Variants in ADGRG6 observed in about 807,000 individuals in gnomAD.
ADGRG6 encodes adhesion G protein-coupled receptor G6.
A neutral mutation model predicts 142.4 loss-of-function variants in ADGRG6; 84 were observed. The observed-to-expected ratio is 0.59, with a 90% CI of 0.49 to 0.71. The LOEUF is 0.71. ADGRG6 is among the 30% of genes least tolerant of loss of function. The pLI is 0.00. For missense variants in ADGRG6, 1,367 were observed against 1,466.6 expected (o/e 0.93, Z 1.11); for synonymous variants, 521 against 520.5 (o/e 1.00, Z -0.01).
At chr6:142,311,137 C>T (rs994203202) in intron 2 of ADGRG6, among the ~76,000 whole-genome samples, 6 of 151,972 alleles carry the variant, frequency 3.9e-5, no homozygotes, top group African/African-American at 1.4e-4. Context: ...TGTCTGGGAC[C>T]AGGCTGAGGG....
chr6:142,317,891 T>TTATATTTTTATATATTA, intron 2 of ADGRG6, among the ~76,000 whole-genome samples: 1 of 75,942 alleles, frequency 1.3e-5, no homozygotes, highest in African/African-American at 5.8e-5. Context: ...TATATTTATA[T>TTATATTTTTATATATTA]TATATATTTA....
intron 4 of ADGRG6, among the ~76,000 whole-genome samples, chr6:142,371,170 AT>A (rs200039040): frequency 0.057 from 8,560 of 149,752 alleles, 576 homozygotes; most frequent in African/African-American, 0.16. Flanking sequence ...AGTTATTGGT[AT>A]TTTTTTTTTG....
intron 2 of ADGRG6, among the ~76,000 whole-genome samples, chr6:142,337,469 G>A (rs1180706589): frequency 1.3e-5 from 2 of 152,124 alleles, no homozygotes; most frequent in African/African-American, 4.8e-5. Flanking sequence ...GCAATGGCAC[G>A]CATGTTTGGG....
chr6:142,381,891 T>C, intron 4 of ADGRG6, 60 bp from the exon 5 acceptor site: 1 of 1,039,344 alleles, frequency 9.6e-7, no homozygotes, highest in Non-Finnish European at 1.5e-6. Flanking sequence ...CGTATGATTT[T>C]TCTGGATAAT....
chr6:142,403,007 G>GT (rs1314290573), intron 13 of ADGRG6, among the ~76,000 whole-genome samples, 177 bp downstream of exon 13: 1,797 of 144,292 alleles, frequency 0.012, 36 homozygotes, highest in African/African-American at 0.039. Context: ...AGTTCTGTGT[G>GT]TTTTTTTTTT....
At position 142,379,473 on chromosome 6, in the gene ADGRG6, G is replaced by GA. The variant is rs374580611; in HGVS notation, c.1070-2475dup. Among the ~76,000 whole-genome samples the GA allele has an allele frequency of 4.1e-3, 623 of 152,212 alleles. 3 individuals carry two copies. The highest frequency in any genetic ancestry group is 0.014 in the African/African-American group (591 of 41,538). On this transcript the variant is annotated intron_variant, in intron 4 of 24. Transcript: ENST00000367609. The stretch of plus-strand genomic sequence containing the variant: ...CCTCATTTTCCCTCACTGCCTTTAA[G>GA]AAAGAGTTCACAGGCCGGGCACGGT...
intron 4 of ADGRG6, among the ~76,000 whole-genome samples, chr6:142,377,748 T>C (rs1781571532): frequency 6.6e-6 from 1 of 152,240 alleles, no homozygotes. Context: ...GATTGTGATA[T>C]TGACTTTTTA....
At position 142,370,202 on chromosome 6, in the gene ADGRG6, T is replaced by G; in HGVS notation, c.478T>G (p.Leu160Val). ...AVSLRNQKVI[L>V]PQTSDAYQVS... ...GTCCTTAAGGAATCAAAAGGTCATT[T>G]TACCCCAGACATCAGATGCTTACCA... Residue 160 changes from leucine (L) to valine (V), a missense_variant, in exon 4 of 25, where the codon TTA becomes GTA. By Grantham distance (32) the Leu-to-Val change is conservative (BLOSUM62 1). Coordinates refer to ENST00000367609, the MANE Select transcript of ADGRG6 (RefSeq NM_198569.3). 6.2e-7 allele frequency: 1 copy of G among 1,605,812 alleles called. No homozygotes were observed. The highest frequency in any genetic ancestry group is 8.5e-7 in the Non-Finnish European group (1 of 1,173,090).
chr6:142,382,018 A>C lies in ADGRG6; in HGVS notation c.1137A>C (p.Gln379His). The C allele has an allele frequency of 1.3e-6, 2 of 1,588,854 alleles. No individual in the cohort carries two copies. The highest frequency in any genetic ancestry group is 1.7e-6 in the Non-Finnish European group (2 of 1,161,324). ...ASCADLGTLC[Q>H]ATVNSPSTTP... ...GTGCAGACCTGGGGACCCTCTGTCA[A>C]GGTAGGGAGCCCACACCGTGCTCTG... Residue 379 changes from glutamine (Q) to histidine (H), a missense_variant and splice_region_variant, in exon 5 of 25, where the codon CAA becomes CAC. Gln to His is a conservative substitution (Grantham distance 24, BLOSUM62 0). Transcript: ENST00000367609.
intron 2 of ADGRG6, among the ~76,000 whole-genome samples, chr6:142,322,113 T>C (rs962047470): frequency 3.9e-5 from 6 of 152,244 alleles, no homozygotes; most frequent in Admixed American, 3.3e-4. Context: ...TTAAGAATTT[T>C]GGGGGCCTGG....
At chr6:142,393,388 C>T (rs1046537180) in intron 8 of ADGRG6, among the ~76,000 whole-genome samples, 8 of 151,982 alleles carry the variant, frequency 5.3e-5, no homozygotes, top group African/African-American at 1.2e-4. Context: ...TTTCGTACAT[C>T]GACAGTCTGT....
At chr6:142,349,166 T>A (rs1780042089) in intron 2 of ADGRG6, among the ~76,000 whole-genome samples, 1 of 152,228 alleles carries the variant, frequency 6.6e-6, no homozygotes, top group Non-Finnish European at 1.5e-5. Context: ...GCTTCCTCAG[T>A]GCCTCTTGTT....
chr6:142,315,378 A>AC (rs1026664320), intron 2 of ADGRG6, among the ~76,000 whole-genome samples: 5 of 151,884 alleles, frequency 3.3e-5, no homozygotes, highest in Non-Finnish European at 7.4e-5. Flanking sequence ...GAAAAAAAAA[A>AC]CAGAATGGAG....
At position 142,416,273 on chromosome 6, in the gene ADGRG6, C is replaced by T. The variant is rs537896474; in HGVS notation, c.2938+209C>T. Among the ~76,000 whole-genome samples the T allele has an allele frequency of 4.6e-5, 7 of 152,212 alleles. No individual in the cohort carries two copies. In the South Asian group the frequency reaches 6.2e-4, roughly 14 times the overall value. On this transcript the variant is annotated intron_variant, in intron 20 of 24. Transcript: ENST00000367609. Reference sequence around the variant, plus strand: ...TCATCAACAGCACTCACTATATACACGAGTAAAGGAAAAGCCCTCACTCCC... The same window carrying T: ...TCATCAACAGCACTCACTATATACATGAGTAAAGGAAAAGCCCTCACTCCC...
At chr6:142,366,696 A>G (rs2114847617) in intron 2 of ADGRG6, among the ~76,000 whole-genome samples, 2 of 151,334 alleles carry the variant, frequency 1.3e-5, no homozygotes, top group South Asian at 4.2e-4. Flanking sequence ...CAGAGGTTGC[A>G]GTGAGCCAGA....
intron 2 of ADGRG6, among the ~76,000 whole-genome samples, chr6:142,327,801 A>G (rs966898541): frequency 1.3e-5 from 2 of 152,150 alleles, no homozygotes; most frequent in African/African-American, 4.8e-5. Flanking sequence ...CAGTAATCAT[A>G]AACTAGTGTT....
At position 142,364,415 on chromosome 6, in the gene ADGRG6, T is replaced by A. The variant is rs942264429; in HGVS notation, c.104-3154T>A. Among the ~76,000 whole-genome samples, 4 of 152,318 alleles carry A rather than the reference T, an allele frequency of 2.6e-5. No individual in the cohort carries two copies. The South Asian group carries it at 6.2e-4, about 24-fold the overall frequency. ...GTCATCTTTATCTTTTTTCTATCCC[T>A]CTGAGTGCCTAAGGAAAAAAGAAAT... is the stretch of plus-strand genomic sequence containing the variant. On this transcript the variant is annotated intron_variant, in intron 2 of 24. Transcript: ENST00000367609.
In ADGRG6 at chr6:142,370,625, G is replaced by T. The variant is rs202077095; in HGVS notation, c.901G>T (p.Val301Phe). Reference protein sequence around the residue: ...LLLGSNQNEIVSLKGDIYNFR... With the variant: ...LLLGSNQNEIFSLKGDIYNFR... Reference sequence around the variant, plus strand: ...GTTGGGCTCCAATCAAAATGAAATTGTCTCTCTAAAAGGGGACATTTATAA... The same window carrying T: ...GTTGGGCTCCAATCAAAATGAAATTTTCTCTCTAAAAGGGGACATTTATAA... The change falls in exon 4 of 25, where the codon GTC becomes TTC. Residue 301 changes from valine (V) to phenylalanine (F), a missense_variant. Val to Phe is a conservative substitution (Grantham distance 50). Transcript: ENST00000367609. 101 of 1,613,458 alleles carry T rather than the reference G, an allele frequency of 6.3e-5. No individual in the cohort carries two copies. Among genetic ancestry groups the T allele is most frequent in the Non-Finnish European group, 8.2e-5 (97 of 1,179,524 alleles).
At chr6:142,307,217 T>G (rs1208605909) in intron 1 of ADGRG6, among the ~76,000 whole-genome samples, 1 of 152,084 alleles carries the variant, frequency 6.6e-6, no homozygotes, top group African/African-American at 2.4e-5. Context: ...GAAAGATAAT[T>G]GTCGTATGTC....
Sources: gnomAD v4.1 joint callset for allele counts (sites outside exome capture counted in the v4.1 genomes callset) on GRCh38, gnomAD v4.1.1 for gene constraint, MANE v1.5 for transcripts, NCBI Gene and HGNC (gene_info 2026-07-23, HGNC 2026-07-21) for gene names.